The following AOX1 variants were observed in gnomAD, a reference collection of about 807,000 sequenced individuals.
AOX1 encodes the protein aldehyde oxidase.
Under a neutral mutation model 169.5 loss-of-function variants are expected in AOX1, and 153 were observed. That is an observed-to-expected ratio of 0.90 (90% CI 0.79 to 1.03). The LOEUF is 1.03. Among genes scored for constraint, AOX1 ranks in the 50% least tolerant of loss-of-function variants. The probability of loss-of-function intolerance (pLI) is 0.00; values close to 1 mark genes in which losing one functional copy is unlikely to be tolerated. For synonymous variants in AOX1, 562 were observed against 581.9 expected, an observed-to-expected ratio of 0.97 and a Z score of 0.49; for missense variants, 1,656 against 1,663.9, an observed-to-expected ratio of 1.00 and a Z score of 0.08.
intron 34 of AOX1, 51 bp downstream of exon 34, chr2:200,669,793 TG>T (rs1174830668): frequency 6.3e-7 from 1 of 1,590,504 alleles, no homozygotes. Flanking sequence ...TCTGAATTTT[TG>T]GCCTCTGTTC....
chr2:200,612,532 A>G, intron 13 of AOX1, 77 bp from the exon 14 acceptor site: 1 of 1,452,488 alleles, frequency 6.9e-7, no homozygotes, highest in South Asian at 1.3e-5. Context: ...TGTAGGTGAT[A>G]CTCAAGACAC....
At position 200,598,743 on chromosome 2, in the gene AOX1, C is replaced by CA. The variant is rs370497141; in HGVS notation, c.310-864dup. On this transcript the variant is annotated intron_variant, in intron 4 of 34. Transcript: ENST00000374700. ...CTGGCAACAGAGCAAGACTCTGTCTCAAAAAAAAAAAAAGCCACTTTTCCT... is the reference window on the plus strand; with the variant it reads ...CTGGCAACAGAGCAAGACTCTGTCTCAAAAAAAAAAAAAAGCCACTTTTCCT... Among the ~76,000 whole-genome samples, 554 of 108,656 alleles carry CA rather than the reference C, an allele frequency of 5.1e-3. 1 individual carries two copies. Among genetic ancestry groups the CA allele is most frequent in the South Asian group, 0.022 (68 of 3,120 alleles). 71.3% of individuals were successfully genotyped at this position (108,656 alleles called of 152,430 possible). A position where few individuals can be genotyped will look rare whatever the true frequency, so the allele number is the denominator to read the frequency against.
At chr2:200,592,405 C>A (rs2034191918) in intron 1 of AOX1, among the ~76,000 whole-genome samples, 2 of 152,172 alleles carry the variant, frequency 1.3e-5, no homozygotes, top group African/African-American at 4.8e-5. Flanking sequence ...CAAAGCAAGT[C>A]ATGCTTCTAT....
chr2:200,634,354 GTCT>G (rs1191517353), intron 20 of AOX1, among the ~76,000 whole-genome samples: 1 of 151,920 alleles, frequency 6.6e-6, no homozygotes, highest in Non-Finnish European at 1.5e-5. Context: ...ACCTTTCAGA[GTCT>G]TCTTATGTTT....
At chr2:200,608,109 A>C (rs892700330) in intron 10 of AOX1, among the ~76,000 whole-genome samples, 3 of 151,898 alleles carry the variant, frequency 2.0e-5, no homozygotes, top group Non-Finnish European at 4.4e-5. Context: ...CATTCTGTAC[A>C]TGTATCCTAG....
intron 21 of AOX1, among the ~76,000 whole-genome samples, chr2:200,635,259 T>G (rs190549438): frequency 5.2e-4 from 79 of 152,318 alleles, no homozygotes; most frequent in African/African-American, 1.8e-3. Flanking sequence ...GGGAGCCTTT[T>G]GTTTGTGGAT....
At position 200,669,579 on chromosome 2, in the gene AOX1, TG is replaced by T. The variant is rs2035988296; in HGVS notation, c.3806del (p.Gly1269GlufsTer19). The T allele has an allele frequency of 6.2e-7, 1 of 1,613,878 alleles. No individual in the cohort carries two copies. Among genetic ancestry groups the T allele is most frequent in the African/African-American group, 1.3e-5 (1 of 74,886 alleles). ...NSNTLYSSKGLGESGVFLGCS... is the reference protein window; with the variant it reads ...NSNTLYSSKGXGESGVFLGCS... ...GTTGGCATGCTTCCTTTCAAGGGTC[TG>T]GGAGAGTCGGGGGTGTTCCTGGGGT... is the stretch of plus-strand genomic sequence containing the variant. On this transcript the variant is annotated frameshift_variant, in exon 34 of 35. Coordinates refer to ENST00000374700, the MANE Select transcript of AOX1 (RefSeq NM_001159.4). LOFTEE classifies it high-confidence loss of function.
At chr2:200,668,272 A>AT (rs1237124922) in intron 32 of AOX1, among the ~76,000 whole-genome samples, 17 of 151,396 alleles carry the variant, frequency 1.1e-4, no homozygotes, top group Admixed American at 9.9e-4. Context: ...CACCCAGCTA[A>AT]TTTTTTTTGT....
chr2:200,586,245 C>T (rs2106360536), intron 1 of AOX1, 92 bp downstream of exon 1: 3 of 1,366,374 alleles, frequency 2.2e-6, no homozygotes, highest in East Asian at 2.7e-5. Flanking sequence ...CTTTCGTGCC[C>T]GCCGTTTAAG....
chr2:200,629,214 G>T (rs975291979), intron 20 of AOX1, among the ~76,000 whole-genome samples: 6 of 152,148 alleles, frequency 3.9e-5, no homozygotes, highest in Admixed American at 3.9e-4. Flanking sequence ...GTTTTCCTTG[G>T]CATTGTGTCT....
chr2:200,648,400 C>G (rs2035508042), intron 25 of AOX1, among the ~76,000 whole-genome samples: 1 of 152,184 alleles, frequency 6.6e-6, no homozygotes, highest in African/African-American at 2.4e-5. Context: ...CAGCTCCCGG[C>G]TGGTACTGAG....
At chr2:200,626,938 G>A (rs533585508) in intron 19 of AOX1, among the ~76,000 whole-genome samples, 1 of 152,320 alleles carries the variant, frequency 6.6e-6, no homozygotes, top group South Asian at 2.1e-4. Flanking sequence ...TGAAGTGATA[G>A]GCCCACAGTC....
chr2:200,649,291 C>G (rs2035531693), intron 25 of AOX1, among the ~76,000 whole-genome samples: 1 of 152,004 alleles, frequency 6.6e-6, no homozygotes, highest in South Asian at 2.1e-4. Context: ...CTGCTGCTTC[C>G]TCTACCCCTG....
Position 200,620,767 on chromosome 2 carries a change from C to T in AOX1, c.1822C>T (p.Gln608Ter). ...CTGTGATGACATGCCTCTGGTGGAC[C>T]AGGAACTTTTCTTGACTTTTGTGAC... The part of the protein sequence containing the change: ...IYCDDMPLVD[Q>*]ELFLTFVTSS... The change falls in exon 17 of 35, where the codon CAG becomes TAG. Residue 608 changes from glutamine (Q) to a stop codon, truncating the protein, a stop_gained. Coordinates refer to ENST00000374700, the MANE Select transcript of AOX1 (RefSeq NM_001159.4). LOFTEE classifies it high-confidence loss of function. The T allele has an allele frequency of 2.5e-6, 4 of 1,608,772 alleles. No homozygotes were observed. Among genetic ancestry groups the T allele is most frequent in the Non-Finnish European group, 3.4e-6 (4 of 1,178,414 alleles).
At chr2:200,667,207 G>T (rs1485359927) in intron 32 of AOX1, among the ~76,000 whole-genome samples, 1 of 152,158 alleles carries the variant, frequency 6.6e-6, no homozygotes, top group African/African-American at 2.4e-5. Flanking sequence ...ATTTAAATTT[G>T]AAATAGTTGA....
At chr2:200,648,219 T>G (rs1030665915) in intron 25 of AOX1, among the ~76,000 whole-genome samples, 2 of 152,158 alleles carry the variant, frequency 1.3e-5, no homozygotes, top group Admixed American at 1.3e-4. Flanking sequence ...TTGGGTAGGC[T>G]CTGTCAGAAG....
intron 24 of AOX1, among the ~76,000 whole-genome samples, chr2:200,642,035 A>C (rs112758857): frequency 0.12 from 18,536 of 152,088 alleles, 1,279 homozygotes; most frequent in Non-Finnish European, 0.16. Context: ...AGGCTGAGGC[A>C]GGAGAATCAC....
chr2:200,657,190 A>ATATATATATATTTTTT, intron 27 of AOX1, among the ~76,000 whole-genome samples: 14 of 62,878 alleles, frequency 2.2e-4, no homozygotes, highest in African/African-American at 6.3e-4. Flanking sequence ...ATATATATAT[A>ATATATATATATTTTTT]TTTTTTTTTT....
intron 20 of AOX1, among the ~76,000 whole-genome samples, chr2:200,629,161 A>T (rs893003096): frequency 6.6e-6 from 1 of 152,124 alleles, no homozygotes; most frequent in African/African-American, 2.4e-5. Context: ...TGGAAATGTC[A>T]CCTGAAAGCT....
Sources: allele counts gnomAD v4.1 joint callset (sites outside exome capture counted in the v4.1 genomes callset), GRCh38; gene constraint gnomAD v4.1.1; transcripts MANE v1.5; gene names NCBI Gene and HGNC (gene_info 2026-07-23, HGNC 2026-07-21).